The following GRM7 variants were observed in gnomAD, a reference collection of about 807,000 sequenced individuals.
GRM7 encodes metabotropic glutamate receptor 7.
A neutral mutation model predicts 84.5 loss-of-function variants in GRM7; 35 were observed. That is an observed-to-expected ratio of 0.41 (90% CI 0.32 to 0.55). The LOEUF (loss-of-function observed/expected upper bound fraction) is 0.55. Ranked by LOEUF, GRM7 falls within the 20% of genes least tolerant of loss-of-function variation. GRM7 has a pLI of 0.19. For missense variants in GRM7, 1,003 were observed against 1,194.6 expected (o/e 0.84, Z 2.36); for synonymous variants, 487 against 455.1 (o/e 1.07, Z -0.89).
At chr3:6,869,316 C>T (rs1257452076) in intron 1 of GRM7, among the ~76,000 whole-genome samples, 1 of 152,088 alleles carries the variant, frequency 6.6e-6, no homozygotes, top group African/African-American at 2.4e-5. Flanking sequence ...AAAAATGTAC[C>T]TGTCTGATAG....
intron 7 of GRM7, among the ~76,000 whole-genome samples, chr3:7,465,611 G>A (rs1452704056): frequency 6.6e-6 from 1 of 152,020 alleles, no homozygotes; most frequent in Non-Finnish European, 1.5e-5. Flanking sequence ...TTGGGCAAAC[G>A]GTTTTGTAGG....
At chr3:7,255,456 C>T (rs984845250) in intron 2 of GRM7, among the ~76,000 whole-genome samples, 1 of 152,304 alleles carries the variant, frequency 6.6e-6, no homozygotes, top group East Asian at 1.9e-4. Flanking sequence ...GAGCACATTG[C>T]TTTGACAATC....
chr3:7,321,354 A>G (rs138915387), intron 4 of GRM7, among the ~76,000 whole-genome samples: 147 of 152,188 alleles, frequency 9.7e-4, no homozygotes, highest in African/African-American at 3.4e-3. Context: ...TAGGCATGGC[A>G]TTATATGTAA....
At chr3:7,003,283 AG>A (rs1361045671) in intron 1 of GRM7, among the ~76,000 whole-genome samples, 1 of 152,192 alleles carries the variant, frequency 6.6e-6, no homozygotes, top group East Asian at 1.9e-4. Flanking sequence ...AGTAAGGTAA[AG>A]GATATGTTAA....
At chr3:7,118,794 C>T (rs1255400484) in intron 1 of GRM7, among the ~76,000 whole-genome samples, 1 of 151,948 alleles carries the variant, frequency 6.6e-6, no homozygotes, top group East Asian at 1.9e-4. Flanking sequence ...TACTGAGAAT[C>T]AAAACACTGA....
At chr3:7,246,509 G>C (rs1697766466) in intron 2 of GRM7, among the ~76,000 whole-genome samples, 2 of 152,076 alleles carry the variant, frequency 1.3e-5, no homozygotes, top group Non-Finnish European at 2.9e-5. Flanking sequence ...GTCATCACTT[G>C]GTAGATCAAA....
At chr3:6,954,036 C>T (rs537096673) in intron 1 of GRM7, among the ~76,000 whole-genome samples, 4 of 150,644 alleles carry the variant, frequency 2.7e-5, no homozygotes, top group Admixed American at 6.7e-5. Context: ...AAGTTAAGCT[C>T]GTATTGTTTT....
At chr3:7,606,326 T>C (rs1432896073) in intron 8 of GRM7, among the ~76,000 whole-genome samples, 1 of 152,148 alleles carries the variant, frequency 6.6e-6, no homozygotes, top group Non-Finnish European at 1.5e-5. Context: ...ACTTCAAAGA[T>C]AGTTTTAGGT....
chr3:6,959,056 G>A (rs928652179), intron 1 of GRM7, among the ~76,000 whole-genome samples: 1 of 152,204 alleles, frequency 6.6e-6, no homozygotes, highest in African/African-American at 2.4e-5. Context: ...TTTTGATGGT[G>A]AAAATTAAAA....
intron 2 of GRM7, among the ~76,000 whole-genome samples, chr3:7,215,970 G>C (rs1226399001): frequency 6.6e-6 from 1 of 152,126 alleles, no homozygotes; most frequent in African/African-American, 2.4e-5. Context: ...GATACCCCAA[G>C]TCAGAGGACA....
chr3:7,467,609 A>G (rs890486651), intron 7 of GRM7, among the ~76,000 whole-genome samples: 8 of 151,950 alleles, frequency 5.3e-5, no homozygotes, highest in African/African-American at 1.9e-4. Context: ...TTCTGAGGCC[A>G]CCATGTAGGA....
intron 1 of GRM7, among the ~76,000 whole-genome samples, chr3:6,913,885 A>G (rs765224712): frequency 1.3e-5 from 2 of 152,142 alleles, no homozygotes; most frequent in Non-Finnish European, 2.9e-5. Context: ...TTGGCGTGCC[A>G]TGCCTTCTCA....
At chr3:7,200,987 T>G (rs1696048663) in intron 2 of GRM7, among the ~76,000 whole-genome samples, 1 of 146,824 alleles carries the variant, frequency 6.8e-6, no homozygotes, top group African/African-American at 2.6e-5. Flanking sequence ...TTTTTTTTTT[T>G]GAGACACAGT....
chr3:6,885,051 A>G (rs1695639603), intron 1 of GRM7, among the ~76,000 whole-genome samples: 1 of 152,098 alleles, frequency 6.6e-6, no homozygotes, highest in South Asian at 2.1e-4. Flanking sequence ...AAGCATTCTT[A>G]GTATAATAAG....
At chr3:7,554,249 C>G (rs1005720990) in intron 7 of GRM7, among the ~76,000 whole-genome samples, 3 of 152,186 alleles carry the variant, frequency 2.0e-5, no homozygotes, top group African/African-American at 7.2e-5. Context: ...GATTATTGAA[C>G]CTAAACCCTG....
chr3:7,117,083 A>G (rs1159769417), intron 1 of GRM7, among the ~76,000 whole-genome samples: 3 of 152,164 alleles, frequency 2.0e-5, no homozygotes, highest in Non-Finnish European at 2.9e-5. Flanking sequence ...TCACACGCCA[A>G]GTAAAGGGGT....
intron 1 of GRM7, among the ~76,000 whole-genome samples, chr3:6,946,627 T>G (rs1013899616): frequency 2.0e-5 from 3 of 152,220 alleles, no homozygotes; most frequent in Admixed American, 6.5e-5. Context: ...GGGGATGGCA[T>G]TGAATCTATA....
At chr3:7,167,973 CAAAAAAAAAAAAAAAAAAAAAA>C (rs60681836) in intron 2 of GRM7, among the ~76,000 whole-genome samples, 6 of 54,606 alleles carry the variant, frequency 1.1e-4, no homozygotes, top group Admixed American at 6.5e-4. Context: ...GACTCTGTCT[CAAAAAAAAAAAAAAAAAAAAAA>C]AAAAAAAAAA....
intron 2 of GRM7, among the ~76,000 whole-genome samples, chr3:7,148,997 T>C (rs182594828): frequency 1.9e-4 from 29 of 152,106 alleles, no homozygotes; most frequent in African/African-American, 7.0e-4. Flanking sequence ...TAATAAGTAT[T>C]CTTCTTTTAT....
Sources: allele counts gnomAD v4.1 joint callset (sites outside exome capture counted in the v4.1 genomes callset), GRCh38; gene constraint gnomAD v4.1.1; transcripts MANE v1.5; gene names NCBI Gene and HGNC (gene_info 2026-07-23, HGNC 2026-07-21).